ISM1: variants seen among roughly 807,000 people sequenced by gnomAD.
The protein encoded by ISM1 is isthmin 1.
A neutral mutation model predicts 46.3 loss-of-function variants in ISM1; 25 were observed. The observed-to-expected ratio is 0.54, with a 90% CI of 0.39 to 0.75. The LOEUF (loss-of-function observed/expected upper bound fraction) is 0.75, where lower values mean the gene tolerates loss of function less well. ISM1 is among the 30% of genes least tolerant of loss of function. ISM1 has a pLI of 0.00. For synonymous variants in ISM1, 255 were observed against 256.7 expected (o/e 0.99, Z 0.06); for missense variants, 536 against 625.4 (o/e 0.86, Z 1.52).
chr20:13,275,382 G>T (rs1159449962), intron 2 of ISM1, among the ~76,000 whole-genome samples: 1 of 152,126 alleles, frequency 6.6e-6, no homozygotes, highest in Non-Finnish European at 1.5e-5. Context: ...GGAATGGCAG[G>T]TCTGGCTGGA....
At chr20:13,271,465 T>A (rs1006154602) in intron 2 of ISM1, among the ~76,000 whole-genome samples, 3 of 152,320 alleles carry the variant, frequency 2.0e-5, no homozygotes, top group Admixed American at 6.5e-5. Context: ...CAAATGTTGA[T>A]CGGATTTGAC....
At chr20:13,262,865 T>A (rs1321394504) in intron 1 of ISM1, among the ~76,000 whole-genome samples, 1 of 152,114 alleles carries the variant, frequency 6.6e-6, no homozygotes, top group African/African-American at 2.4e-5. Flanking sequence ...TTCTAAAGCC[T>A]GAGATAATAA....
At chr20:13,241,437 G>A (rs541606118) in intron 1 of ISM1, among the ~76,000 whole-genome samples, 1 of 152,290 alleles carries the variant, frequency 6.6e-6, no homozygotes, top group Admixed American at 6.5e-5. Context: ...AAAACTGAGA[G>A]AGGAGAAATG....
At chr20:13,286,558 G>T (rs1232004820) in intron 3 of ISM1, among the ~76,000 whole-genome samples, 3 of 152,180 alleles carry the variant, frequency 2.0e-5, no homozygotes, top group Admixed American at 2.0e-4. Context: ...CTTTTTGGGG[G>T]ATTGGGAGGA....
intron 1 of ISM1, among the ~76,000 whole-genome samples, chr20:13,259,155 C>A (rs904119582): frequency 2.0e-5 from 3 of 151,962 alleles, no homozygotes; most frequent in Admixed American, 2.0e-4. Flanking sequence ...TGGTGGTATG[C>A]GCCTGTAGTC....
downstream of ISM1, among the ~76,000 whole-genome samples, chr20:13,302,782 T>A (rs547249621): frequency 2.0e-5 from 3 of 152,288 alleles, no homozygotes; most frequent in South Asian, 2.1e-4. Context: ...GGGTGCCACA[T>A]CTGAACACAA....
chr20:13,224,693 T>C (rs1600472377), intron 1 of ISM1, among the ~76,000 whole-genome samples: 4 of 152,180 alleles, frequency 2.6e-5, no homozygotes, highest in Non-Finnish European at 2.9e-5. Flanking sequence ...TGTATTCACT[T>C]AAAAAGGGAC....
chr20:13,225,132 C>T lies in ISM1; in HGVS notation c.138+3218C>T, dbSNP rs145582451. Among the ~76,000 whole-genome samples the T allele has an allele frequency of 2.9e-3, 448 of 152,122 alleles. 1 individual carries two copies. The highest frequency in any genetic ancestry group is 9.7e-3 in the African/African-American group (403 of 41,496). ...CCTCCCAAAGTGCTGGGATTACAGG[C>T]GTGAGCCACCGCGCCCGGCCCATAC... On this transcript the variant is annotated intron_variant, in intron 1 of 5. Transcript: ENST00000262487.
chr20:13,254,620 C>T (rs75378974), intron 1 of ISM1, among the ~76,000 whole-genome samples: 7,940 of 152,204 alleles, frequency 0.052, 385 homozygotes, highest in African/African-American at 0.12. Context: ...CCAGCACAGT[C>T]TCTATATTCT....
At chr20:13,227,161 T>C (rs569361710) in intron 1 of ISM1, among the ~76,000 whole-genome samples, 41 of 152,310 alleles carry the variant, frequency 2.7e-4, no homozygotes, top group Middle Eastern at 6.8e-3. Flanking sequence ...TTTTCCAACC[T>C]TTATTTTCAA....
At chr20:13,262,276 A>G (rs243905) in intron 1 of ISM1, among the ~76,000 whole-genome samples, 24,324 of 152,156 alleles carry the variant, frequency 0.16, 2,071 homozygotes, top group Admixed American at 0.18. Flanking sequence ...CCTGGCCTTT[A>G]TAGCCCTGAG....
At chr20:13,260,995 C>T (rs1324457049) in intron 1 of ISM1, among the ~76,000 whole-genome samples, 2 of 152,156 alleles carry the variant, frequency 1.3e-5, no homozygotes, top group African/African-American at 2.4e-5. Context: ...CACCATTCAA[C>T]AGGCTAGCTT....
At chr20:13,271,291 G>A (rs148645697) in intron 2 of ISM1, among the ~76,000 whole-genome samples, 36 of 152,312 alleles carry the variant, frequency 2.4e-4, no homozygotes, top group Admixed American at 1.0e-3. Context: ...AAAACAATAA[G>A]AGGAAGGAAG....
chr20:13,323,580 T>C, the ISM1 span, among the ~76,000 whole-genome samples: 1 of 152,242 alleles, frequency 6.6e-6, no homozygotes, highest in South Asian at 2.1e-4. Context: ...TTTACTTTGT[T>C]AGGCAACATA....
At chr20:13,297,411 T>A (rs994480259) in intron 5 of ISM1, among the ~76,000 whole-genome samples, 2 of 152,218 alleles carry the variant, frequency 1.3e-5, no homozygotes, top group African/African-American at 4.8e-5. Flanking sequence ...CCTTCTCTAA[T>A]TCCCCTGCTC....
chr20:13,282,016 G>A (rs1470473358), intron 3 of ISM1, among the ~76,000 whole-genome samples: 1 of 152,168 alleles, frequency 6.6e-6, no homozygotes, highest in African/African-American at 2.4e-5. Context: ...CAGACCTACT[G>A]AGTCAGAAAC....
At chr20:13,280,685 C>T (rs889479498) in intron 3 of ISM1, among the ~76,000 whole-genome samples, 19 of 152,232 alleles carry the variant, frequency 1.2e-4, no homozygotes, top group Admixed American at 1.1e-3. Context: ...AACACACACT[C>T]GTAAGGCCCT....
chr20:13,240,602 T>C (rs1168405552), intron 1 of ISM1, among the ~76,000 whole-genome samples: 4 of 152,194 alleles, frequency 2.6e-5, no homozygotes, highest in African/African-American at 9.7e-5. Context: ...CAGGTCATGA[T>C]AAAGAATATG....
chr20:13,294,836 T>C (rs2040391152), intron 5 of ISM1, among the ~76,000 whole-genome samples: 1 of 152,172 alleles, frequency 6.6e-6, no homozygotes. Context: ...GTGCTATTTT[T>C]ATGCCCAAAT....
Sources: allele counts gnomAD v4.1 joint callset (sites outside exome capture counted in the v4.1 genomes callset), GRCh38; gene constraint gnomAD v4.1.1; transcripts MANE v1.5; gene names NCBI Gene and HGNC (gene_info 2026-07-23, HGNC 2026-07-21).